Variants in MUC12 observed in about 807,000 individuals in gnomAD.
MUC12 encodes mucin-12.
MUC12 carries 172 observed loss-of-function variants against 230.8 expected under a neutral mutation model. That is an observed-to-expected ratio of 0.75 (90% CI 0.66 to 0.85). MUC12 has a LOEUF of 0.85. Ranked by LOEUF, MUC12 falls within the 40% of genes least tolerant of loss-of-function variation. MUC12 has a pLI of 0.00. For missense variants in MUC12, 3,506 were observed against 5,920.6 expected, an observed-to-expected ratio of 0.59 and a Z score of 13.38; for synonymous variants, 1,259 against 2,401.9, an observed-to-expected ratio of 0.52 and a Z score of 13.91.
chr7:101,014,112 G>A, intron 9 of MUC12, 38 bp downstream of exon 9: 10 of 1,497,312 alleles, frequency 6.7e-6, no homozygotes, highest in Non-Finnish European at 8.9e-6. Flanking sequence ...CCCACACAGA[G>A]GGGACAGATC....
Position 101,005,483 on chromosome 7 carries a change from A to G in MUC12, c.14920A>G (p.Ile4974Val). ...CACCAGTCCAAGCTTCACTTCTACA[A>G]TTGTGTCTACTGAAAGCCTGGAAAC... ...FHTSPSFTST[I>V]VSTESLETLA... is the part of the protein sequence containing the mutation. Residue 4974 changes from isoleucine to valine, a missense_variant, in exon 2 of 12, where the codon ATT becomes GTT. Coordinates refer to ENST00000536621, the MANE Select transcript of MUC12 (RefSeq NM_001164462.2). The G allele has an allele frequency of 1.3e-6, 2 of 1,537,540 alleles. No individual in the cohort carries two copies. Among genetic ancestry groups the G allele is most frequent in the South Asian group, 1.2e-5 (1 of 84,050 alleles).
At chr7:101,017,450 G>T in intron 10 of MUC12, 125 bp from the exon 11 acceptor site, 1 of 640,968 alleles carries the variant, frequency 1.6e-6, no homozygotes, top group South Asian at 1.9e-5. Flanking sequence ...AGGGGTGGTC[G>T]GCAGTGGGAA....
Position 101,004,870 on chromosome 7 carries a change from G to A in MUC12, c.14307G>A (p.Leu4769=). 6.5e-7 allele frequency: 1 copy of A among 1,536,860 alleles called. No individual in the cohort carries two copies. Among genetic ancestry groups the A allele is most frequent in the Non-Finnish European group, 8.7e-7 (1 of 1,146,476 alleles). Residue 4769 remains leucine (L), a synonymous_variant, in exon 2 of 12, where the codon TTG becomes TTA. Coordinates refer to ENST00000536621, the MANE Select transcript of MUC12 (RefSeq NM_001164462.2). The stretch of plus-strand genomic sequence containing the variant: ...GCATCAGTGGAGAACCCACCAGCTT[G>A]TATAGCCAAGCAGAGTCAACACACA... ...SSSISGEPTS[L]YSQAESTHTT...
At chr7:101,010,312 A>T (rs189990690) in intron 5 of MUC12, among the ~76,000 whole-genome samples, 6 of 152,182 alleles carry the variant, frequency 3.9e-5, no homozygotes, top group Non-Finnish European at 7.4e-5. Flanking sequence ...TGCGTGATGC[A>T]GCAGTGGAAT....
intron 5 of MUC12, among the ~76,000 whole-genome samples, chr7:101,010,590 A>G (rs562093895): frequency 8.5e-4 from 129 of 152,036 alleles, no homozygotes; most frequent in African/African-American, 3.1e-3. Context: ...ATCTCGGCTC[A>G]CTGCAGCTTC....
At chr7:101,005,612 CCT>C in intron 2 of MUC12, 93 bp downstream of exon 2, 2 of 1,379,426 alleles carry the variant, frequency 1.4e-6, no homozygotes, top group South Asian at 3.0e-5. Flanking sequence ...TGGTTCTTTT[CCT>C]CTGTCTTCCA....
chr7:100,984,611 G>A lies in MUC12; in HGVS notation c.68-6020G>A, dbSNP rs149677426. 5.0e-3 allele frequency among the ~76,000 whole-genome samples: 766 copies of A among 151,976 alleles called. 1 individual carries two copies. Among genetic ancestry groups the A allele is most frequent in the Middle Eastern group, 6.8e-3 (2 of 294 alleles). ...TTTTTTAACTTCTCTTCCCAAGGCCGTCTAATCTCTAGCCAGCATCTGCCT... is the reference window on the plus strand; with the variant it reads ...TTTTTTAACTTCTCTTCCCAAGGCCATCTAATCTCTAGCCAGCATCTGCCT... On this transcript the variant is annotated intron_variant, in intron 1 of 11. Coordinates refer to ENST00000536621, the MANE Select transcript of MUC12 (RefSeq NM_001164462.2).
intron 10 of MUC12, chr7:101,016,921 G>A (rs2116367303): frequency 6.6e-6 from 1 of 152,652 alleles, no homozygotes; most frequent in East Asian, 1.9e-4. Context: ...GGGGTCTGCA[G>A]CCTGAACCAC....
chr7:101,016,364 T>C (rs1273957428), intron 10 of MUC12, among the ~76,000 whole-genome samples: 9 of 152,048 alleles, frequency 5.9e-5, no homozygotes, highest in Admixed American at 5.9e-4. Context: ...TGGAGTACAG[T>C]GGCACAATCT....
chr7:101,005,425 A>T lies in MUC12; in HGVS notation c.14862A>T (p.Thr4954=), dbSNP rs200519606. 6.5e-7 allele frequency: 1 copy of T among 1,537,766 alleles called. No individual in the cohort carries two copies. Among genetic ancestry groups the T allele is most frequent in the African/African-American group, 1.4e-5 (1 of 73,006 alleles). ...YTTLFPASSS[T]SGLTEESTTF... ...CACTCTTTCCTGCGAGTTCCAGCAC[A>T]TCAGGCCTCACTGAGGAATCTACCA... is the stretch of plus-strand genomic sequence containing the variant. Residue 4954 remains threonine (T), a synonymous_variant, in exon 2 of 12, where the codon ACA becomes ACT. Transcript: ENST00000536621.
At chr7:100,975,406 G>A (rs544350301) in intron 1 of MUC12, among the ~76,000 whole-genome samples, 48 of 152,406 alleles carry the variant, frequency 3.1e-4, no homozygotes, top group African/African-American at 9.6e-4. Context: ...GAGTGGTGGA[G>A]GTGAGAACAG....
rs930137396 is a variant in MUC12 at position 101,018,495 on chromosome 7, C to A, written c.15967-100C>A. On this transcript the variant is annotated intron_variant, in intron 11 of 11. Transcript: ENST00000536621. ...TCCCCCTGGGACTCCCTCCCTCCCC[C>A]TGGGGTTCCCTCCTCCCCGCCAGGG... 43 of 1,141,122 alleles carry A rather than the reference C, an allele frequency of 3.8e-5. No homozygotes were observed. The Middle Eastern group carries it at 1.1e-3, about 28-fold the overall frequency. The allele number at this position is 1,141,122 out of a possible 1,614,324, so 70.7% of individuals were successfully genotyped here.
intron 1 of MUC12, among the ~76,000 whole-genome samples, chr7:100,982,155 C>A (rs777213877): frequency 1.3e-5 from 2 of 152,156 alleles, no homozygotes; most frequent in Non-Finnish European, 2.9e-5. Context: ...GCGTGAGCCA[C>A]CGTGCCCAGC....
intron 1 of MUC12, among the ~76,000 whole-genome samples, chr7:100,983,760 G>A (rs1016820831): frequency 5.9e-5 from 9 of 152,120 alleles, no homozygotes; most frequent in Non-Finnish European, 8.8e-5. Context: ...CTCATGAGTC[G>A]TTATGGAGAT....
At chr7:101,015,016 C>T (rs548378521) in intron 9 of MUC12, among the ~76,000 whole-genome samples, 2 of 152,080 alleles carry the variant, frequency 1.3e-5, no homozygotes, top group Non-Finnish European at 2.9e-5. Flanking sequence ...GAGGACAGCA[C>T]CTTCATGACC....
chr7:100,992,456 T>A lies in MUC12; in HGVS notation c.1893T>A (p.Ser631=). The change falls in exon 2 of 12, where the codon TCT becomes TCA. Residue 631 remains serine, a synonymous_variant. Coordinates refer to ENST00000536621, the MANE Select transcript of MUC12 (RefSeq NM_001164462.2). ...GCTCTACAACCCGTCAGGGAGAATC[T>A]ACCACATTCCATAGCTGGCCAAGCT... ...PAGSTTRQGE[S]TTFHSWPSSK... is the part of the protein sequence containing the mutation. The A allele has an allele frequency of 1.3e-6, 2 of 1,537,888 alleles. No individual in the cohort carries two copies. Among genetic ancestry groups the A allele is most frequent in the South Asian group, 1.2e-5 (1 of 84,068 alleles).
chr7:100,973,583 G>A (rs1324839731), intron 1 of MUC12, among the ~76,000 whole-genome samples: 2 of 149,792 alleles, frequency 1.3e-5, no homozygotes, highest in Non-Finnish European at 3.0e-5. Context: ...GTCTTGCTTT[G>A]TTGCCCAGGC....
chr7:101,006,424 C>A, intron 2 of MUC12, 47 bp from the exon 3 acceptor site: 1 of 1,374,522 alleles, frequency 7.3e-7, no homozygotes, highest in Non-Finnish European at 1.0e-6. Context: ...CGTGTTTTTG[C>A]TCTTTGGGCT....
intron 10 of MUC12, 165 bp from the exon 11 acceptor site, chr7:101,017,410 C>T (rs539686372): frequency 3.4e-6 from 2 of 595,088 alleles, no homozygotes; most frequent in South Asian, 4.0e-5. Context: ...AGGCTCTGCA[C>T]TTACCCGCAG....
Sources: allele counts gnomAD v4.1 joint callset (sites outside exome capture counted in the v4.1 genomes callset), GRCh38; gene constraint gnomAD v4.1.1; transcripts MANE v1.5; gene names NCBI Gene and HGNC (gene_info 2026-07-23, HGNC 2026-07-21).